The following IFRD1 variants were observed in gnomAD, a reference collection of about 807,000 sequenced individuals.
IFRD1 encodes the protein interferon-related developmental regulator 1.
In IFRD1, 35 loss-of-function variants were observed where a neutral mutation model predicts 52.9. The observed-to-expected ratio is 0.66, with a 90% CI of 0.51 to 0.88. The LOEUF (loss-of-function observed/expected upper bound fraction) is 0.88. Ranked by LOEUF, IFRD1 falls within the 40% of genes least tolerant of loss-of-function variation. The pLI is 0.00. For synonymous variants in IFRD1, 184 were observed against 188.4 expected (o/e 0.98, Z 0.19); for missense variants, 517 against 550.8 (o/e 0.94, Z 0.61).
At chr7:112,428,386 G>A (rs1050401571) in intron 1 of IFRD1, among the ~76,000 whole-genome samples, 1 of 152,164 alleles carries the variant, frequency 6.6e-6, no homozygotes, top group Non-Finnish European at 1.5e-5. Flanking sequence ...TAAACAGGGT[G>A]GAAACAGGGA....
intron 5 of IFRD1, chr7:112,461,309 G>T (rs1781023431): frequency 1.3e-5 from 2 of 152,234 alleles, no homozygotes; most frequent in Admixed American, 6.6e-5. Flanking sequence ...GAATATAGTT[G>T]TAACAGCTTA....
rs1397334643 is a variant in IFRD1, at chr7:112,476,880, T to C, written c.*1361T>C. The stretch of plus-strand genomic sequence containing the variant: ...ACTGTAGGGAGAAGTATCAAAATCA[T>C]TTAAGGTCTTTTTTCCAAACTAGTG... On this transcript the variant is annotated 3_prime_UTR_variant, in exon 12 of 12. Coordinates refer to ENST00000403825, the MANE Select transcript of IFRD1 (RefSeq NM_001550.4). 2 of 152,098 alleles carry C rather than the reference T, an allele frequency of 1.3e-5. No homozygotes were observed. Among genetic ancestry groups the C allele is most frequent in the African/African-American group, 2.4e-5 (1 of 41,418 alleles). The allele number at this position is 152,098 out of a possible 1,614,324, so 9.4% of individuals were successfully genotyped here.
chr7:112,469,273 T>C (rs950496567), intron 9 of IFRD1, among the ~76,000 whole-genome samples: 1 of 152,216 alleles, frequency 6.6e-6, no homozygotes, highest in African/African-American at 2.4e-5. Flanking sequence ...TGAATTCTTA[T>C]ATATACCCTA....
intron 5 of IFRD1, among the ~76,000 whole-genome samples, chr7:112,459,271 A>C (rs190975310): frequency 1.3e-4 from 20 of 152,320 alleles, no homozygotes; most frequent in Admixed American, 1.3e-3. Context: ...AGACATAGGA[A>C]ACTGAAATTC....
Position 112,471,139 on chromosome 7 carries a change from T to A in IFRD1, c.1042-1080T>A, listed in dbSNP as rs192501538. Among the ~76,000 whole-genome samples the A allele has an allele frequency of 1.1e-4, 17 of 152,286 alleles. No homozygotes were observed. In the East Asian group the frequency reaches 2.9e-3, roughly 26 times the overall value. On this transcript the variant is annotated intron_variant, in intron 9 of 11. Transcript: ENST00000403825. ...GATTGAAATAAGATAACTCTACTGT[T>A]ATTTATTTATTTATTTTTGAGCTGC...
At chr7:112,449,658 C>G (rs138487364), upstream of IFRD1, among the ~76,000 whole-genome samples, 32 of 152,266 alleles carry the variant, frequency 2.1e-4, no homozygotes, top group African/African-American at 7.5e-4. Context: ...ATCTGTATAA[C>G]TTGTGTTTGT....
Position 112,452,066 on chromosome 7 carries a change from C to T in IFRD1, c.94+1284C>T, listed in dbSNP as rs1009043496. ...TTTAGGTGCCTCTTTATTTTGAATG[C>T]TCTCCATGTTGATGAAATTCATTCT... On this transcript the variant is annotated intron_variant, in intron 1 of 11. Transcript: ENST00000403825. 4 of 980,308 alleles carry T rather than the reference C, an allele frequency of 4.1e-6. No individual in the cohort carries two copies. In the South Asian group the frequency reaches 1.9e-4, roughly 46 times the overall value. The allele number at this position is 980,308 out of a possible 1,614,324, so 60.7% of individuals were successfully genotyped here.
At chr7:112,442,797 C>T (rs528104970) in intron 1 of IFRD1, among the ~76,000 whole-genome samples, 25 of 152,250 alleles carry the variant, frequency 1.6e-4, no homozygotes, top group Admixed American at 4.6e-4. Flanking sequence ...ATAGTGGACA[C>T]CTGAGGAATA....
intron 1 of IFRD1, chr7:112,437,292 C>G (rs565776091): frequency 6.5e-6 from 1 of 154,660 alleles, no homozygotes; most frequent in African/African-American, 2.4e-5. Flanking sequence ...CAGGCCAGTG[C>G]TAGGTGCTGG....
intron 4 of IFRD1, 107 bp downstream of exon 4, chr7:112,457,145 AT>A (rs1795315568): frequency 8.5e-7 from 1 of 1,179,014 alleles, no homozygotes; most frequent in African/African-American, 1.5e-5. Context: ...CACTCTTAAA[AT>A]TTTCTAATAG....
At chr7:112,434,852 A>G (rs1328112948) in intron 1 of IFRD1, among the ~76,000 whole-genome samples, 1 of 152,222 alleles carries the variant, frequency 6.6e-6, no homozygotes, top group Non-Finnish European at 1.5e-5. Context: ...TACAAATATT[A>G]ATATAAACAT....
intron 8 of IFRD1, among the ~76,000 whole-genome samples, chr7:112,463,853 TACACACACACACACACAC>T (rs72284919): frequency 1.6e-4 from 7 of 43,456 alleles, no homozygotes; most frequent in African/African-American, 2.8e-4. Flanking sequence ...CACATTTATA[TACACACACACACACACAC>T]ACACACACAC....
At chr7:112,436,811 A>T (rs1441798122) in intron 1 of IFRD1, among the ~76,000 whole-genome samples, 2 of 152,178 alleles carry the variant, frequency 1.3e-5, no homozygotes, top group Non-Finnish European at 2.9e-5. Flanking sequence ...GTCAGGAAAG[A>T]TTTTAAAGGA....
chr7:112,470,379 A>C (rs758075559), intron 9 of IFRD1, among the ~76,000 whole-genome samples: 1 of 152,180 alleles, frequency 6.6e-6, no homozygotes, highest in Non-Finnish European at 1.5e-5. Flanking sequence ...GGTGACCTTT[A>C]TAAGAGCAGC....
chr7:112,463,188 A>C (rs1025824711), intron 8 of IFRD1, among the ~76,000 whole-genome samples: 82 of 152,192 alleles, frequency 5.4e-4, no homozygotes, highest in African/African-American at 2.0e-3. Flanking sequence ...CTGTCTTCAC[A>C]CTGAATCTGT....
chr7:112,445,261 T>A (rs1366701064), intron 1 of IFRD1, among the ~76,000 whole-genome samples: 1 of 151,760 alleles, frequency 6.6e-6, no homozygotes, highest in Non-Finnish European at 1.5e-5. Flanking sequence ...AGAGACGGGG[T>A]TTCACCGTGT....
chr7:112,426,303 T>C (rs1003707355), intron 1 of IFRD1, among the ~76,000 whole-genome samples: 19 of 152,222 alleles, frequency 1.2e-4, no homozygotes, highest in Non-Finnish European at 2.4e-4. Context: ...CAGTTGAGTA[T>C]GGACATTTGG....
At position 112,450,643 on chromosome 7, in the gene IFRD1, T is replaced by C. The variant is rs757978726; in HGVS notation, c.-46T>C. ...GAGTAAAAAGTGCAGCTCCATCGGC[T>C]GATCCTCGCTAAGCTCCGACTCTGG... is the stretch of plus-strand genomic sequence containing the variant. On this transcript the variant is annotated 5_prime_UTR_variant, in exon 1 of 12. It removes the in-frame stop codon of an upstream open reading frame in the 5' UTR. Transcript: ENST00000403825. 6.7e-7 allele frequency: 1 copy of C among 1,490,468 alleles called. No individual in the cohort carries two copies. Among genetic ancestry groups the C allele is most frequent in the South Asian group, 1.1e-5 (1 of 88,552 alleles). 92.3% of individuals were successfully genotyped at this position (1,490,468 alleles called of 1,614,324 possible).
chr7:112,450,415 AG>A (rs1315856268), upstream of IFRD1: 8 of 498,998 alleles, frequency 1.6e-5, no homozygotes, highest in Middle Eastern at 5.4e-4. Flanking sequence ...GAGTGACGTC[AG>A]GTGGCGGTAT....
Sources: allele counts gnomAD v4.1 joint callset (sites outside exome capture counted in the v4.1 genomes callset), GRCh38; gene constraint gnomAD v4.1.1; transcripts MANE v1.5; gene names NCBI Gene and HGNC (gene_info 2026-07-23, HGNC 2026-07-21).